RGS7: variants seen among roughly 807,000 people sequenced by gnomAD.
The protein encoded by RGS7 is regulator of G protein signaling 7.
In RGS7, 27 loss-of-function variants were observed where a neutral mutation model predicts 81.1. That is an observed-to-expected ratio of 0.33 (90% CI 0.25 to 0.46). The LOEUF is 0.46. Ranked by LOEUF, RGS7 falls within the 20% of genes least tolerant of loss-of-function variation. RGS7 has a pLI of 1.00. For synonymous variants in RGS7, 208 were observed against 207.7 expected (o/e 1.00, Z -0.01); for missense variants, 396 against 607.4 (o/e 0.65, Z 3.66).
At chr1:240,910,066 T>A (rs911611948) in intron 6 of RGS7, among the ~76,000 whole-genome samples, 25 of 152,342 alleles carry the variant, frequency 1.6e-4, no homozygotes, top group African/African-American at 5.1e-4. Context: ...TTGCTTTTGT[T>A]TTGTGCTTGC....
chr1:241,131,608 A>G (rs541547915), intron 2 of RGS7, among the ~76,000 whole-genome samples: 2 of 152,300 alleles, frequency 1.3e-5, no homozygotes, highest in South Asian at 4.1e-4. Flanking sequence ...CAAAGTAGAA[A>G]AGCATTTAAA....
chr1:241,151,162 A>C (rs1229330240), intron 2 of RGS7, among the ~76,000 whole-genome samples: 3 of 152,204 alleles, frequency 2.0e-5, no homozygotes, highest in African/African-American at 7.2e-5. Flanking sequence ...CGTGCCCAGA[A>C]ACAATGTTTC....
intron 6 of RGS7, among the ~76,000 whole-genome samples, chr1:240,906,028 C>T (rs2148222036): frequency 6.6e-6 from 1 of 152,326 alleles, no homozygotes; most frequent in South Asian, 2.1e-4. Context: ...ATCTGCCCGG[C>T]ATAGTCCTAC....
At chr1:241,154,335 G>A (rs2068964212) in intron 2 of RGS7, among the ~76,000 whole-genome samples, 1 of 152,132 alleles carries the variant, frequency 6.6e-6, no homozygotes, top group South Asian at 2.1e-4. Context: ...ATCTCAGGCA[G>A]CAAGAAAGGC....
intron 2 of RGS7, among the ~76,000 whole-genome samples, chr1:241,235,660 TTCTC>T (rs1300100154): frequency 7.5e-6 from 1 of 133,284 alleles, no homozygotes; most frequent in African/African-American, 2.8e-5. Context: ...CTCTCTTTCT[TTCTC>T]TTTCTCTCTC....
chr1:241,210,206 G>C (rs1382470914), intron 2 of RGS7, among the ~76,000 whole-genome samples: 1 of 152,124 alleles, frequency 6.6e-6, no homozygotes, highest in Non-Finnish European at 1.5e-5. Flanking sequence ...CTGGAGTGCA[G>C]TGGTGCTATC....
At chr1:241,014,285 C>G (rs1228013850) in intron 3 of RGS7, among the ~76,000 whole-genome samples, 1 of 152,192 alleles carries the variant, frequency 6.6e-6, no homozygotes, top group East Asian at 1.9e-4. Flanking sequence ...AAATCATCTC[C>G]TTCATTGGAT....
At chr1:241,127,002 T>C (rs10158465) in intron 2 of RGS7, among the ~76,000 whole-genome samples, 40,992 of 151,960 alleles carry the variant, frequency 0.27, 6,279 homozygotes, top group African/African-American at 0.42. Context: ...TTAGGTACAG[T>C]AGTAAAGGTA....
At chr1:240,911,307 C>T (rs1013407204) in intron 6 of RGS7, among the ~76,000 whole-genome samples, 14 of 152,102 alleles carry the variant, frequency 9.2e-5, no homozygotes, top group Non-Finnish European at 1.8e-4. Flanking sequence ...GAAAGCAGTC[C>T]AAGGTTACTG....
At chr1:241,003,453 T>G (rs1375399663) in intron 3 of RGS7, among the ~76,000 whole-genome samples, 2 of 105,540 alleles carry the variant, frequency 1.9e-5, no homozygotes, top group Non-Finnish European at 3.6e-5. Context: ...AGAGCGAGAC[T>G]CCGTCTCAAA....
chr1:240,920,124 G>A (rs540825919), intron 6 of RGS7: 25 of 914,060 alleles, frequency 2.7e-5, no homozygotes, highest in Admixed American at 1.0e-4. Context: ...CTATGACTCC[G>A]TGGATAAGAC....
At chr1:240,953,734 A>G (rs1679920522) in intron 4 of RGS7, among the ~76,000 whole-genome samples, 1 of 152,020 alleles carries the variant, frequency 6.6e-6, no homozygotes, top group African/African-American at 2.4e-5. Context: ...TAATCAGAAC[A>G]AAAGAAATAA....
chr1:241,239,701 G>C (rs1265267965), intron 2 of RGS7, among the ~76,000 whole-genome samples: 1 of 152,204 alleles, frequency 6.6e-6, no homozygotes, highest in Non-Finnish European at 1.5e-5. Context: ...CAAGGGAACA[G>C]TGGCGACAGC....
chr1:240,853,160 G>T (rs1660413223), intron 9 of RGS7, among the ~76,000 whole-genome samples: 2 of 152,032 alleles, frequency 1.3e-5, no homozygotes, highest in African/African-American at 4.8e-5. Context: ...GATTTTCTTA[G>T]AAAAAAATAA....
chr1:240,944,282 G>GTGTATATA (rs1352421845), intron 4 of RGS7, among the ~76,000 whole-genome samples: 49 of 55,792 alleles, frequency 8.8e-4, no homozygotes, highest in South Asian at 1.5e-3. Flanking sequence ...GTGTGTGTGT[G>GTGTATATA]TATATATATA....
chr1:241,072,519 A>G (rs1365772946), intron 3 of RGS7, among the ~76,000 whole-genome samples: 1 of 152,078 alleles, frequency 6.6e-6, no homozygotes, highest in Non-Finnish European at 1.5e-5. Context: ...CTTCTTGGAT[A>G]CAGCTGCGGA....
chr1:241,335,718 T>C (rs1161660033), intron 2 of RGS7, among the ~76,000 whole-genome samples: 1 of 152,006 alleles, frequency 6.6e-6, no homozygotes, highest in Non-Finnish European at 1.5e-5. Context: ...CGCAGAGTGA[T>C]GTGCTGGTAG....
chr1:241,049,645 G>A (rs1301432476), intron 3 of RGS7, among the ~76,000 whole-genome samples: 7 of 152,290 alleles, frequency 4.6e-5, no homozygotes, highest in African/African-American at 1.4e-4. Flanking sequence ...TAATGGGTAT[G>A]TTGGACGAAC....
chr1:241,242,809 G>A (rs1439294766), intron 2 of RGS7, among the ~76,000 whole-genome samples: 3 of 152,040 alleles, frequency 2.0e-5, no homozygotes, highest in Non-Finnish European at 4.4e-5. Context: ...CATGTCCTTA[G>A]TTCACTTTTT....
Sources: allele counts gnomAD v4.1 joint callset (sites outside exome capture counted in the v4.1 genomes callset), GRCh38; gene constraint gnomAD v4.1.1; transcripts MANE v1.5; gene names NCBI Gene and HGNC (gene_info 2026-07-23, HGNC 2026-07-21).